The following RCBTB1 variants were observed in gnomAD, a reference collection of about 807,000 sequenced individuals.
RCBTB1 encodes the protein RCC1 and BTB domain containing protein 1, also known as RCC1 and BTB domain-containing protein 1.
RCBTB1 carries 46 observed loss-of-function variants against 62.4 expected under a neutral mutation model. The observed-to-expected ratio is 0.74, with a 90% CI of 0.58 to 0.94. The LOEUF (loss-of-function observed/expected upper bound fraction) is 0.94. RCBTB1 is among the 40% of genes least tolerant of loss of function. The probability of loss-of-function intolerance (pLI) is 0.00; values close to 1 mark genes in which losing one functional copy is unlikely to be tolerated. For missense variants in RCBTB1, 565 were observed against 654.9 expected (o/e 0.86, Z 1.50); for synonymous variants, 222 against 245.8 (o/e 0.90, Z 0.91).
At chr13:49,552,628 TA>T (rs1961477435) in intron 6 of RCBTB1, among the ~76,000 whole-genome samples, 1 of 152,078 alleles carries the variant, frequency 6.6e-6, no homozygotes, top group Admixed American at 6.5e-5. Flanking sequence ...ACAGGCGAAA[TA>T]GATACATGCA....
At chr13:49,566,346 T>G (rs948302344) in intron 4 of RCBTB1, among the ~76,000 whole-genome samples, 44 of 152,142 alleles carry the variant, frequency 2.9e-4, no homozygotes, top group Admixed American at 2.6e-3. Flanking sequence ...AAAATTAGGC[T>G]GGAAGGACCA....
chr13:49,582,183 T>G (rs1792160716), intron 1 of RCBTB1, among the ~76,000 whole-genome samples: 1 of 152,214 alleles, frequency 6.6e-6, no homozygotes, highest in African/African-American at 2.4e-5. Flanking sequence ...GAATGGGATC[T>G]GAAGCAGAAG....
intron 9 of RCBTB1, among the ~76,000 whole-genome samples, chr13:49,548,521 A>C (rs913165837): frequency 2.6e-5 from 4 of 152,156 alleles, no homozygotes; most frequent in Non-Finnish European, 4.4e-5. Context: ...TCATGACAGC[A>C]CTACCCACGA....
intron 2 of RCBTB1, among the ~76,000 whole-genome samples, chr13:49,575,846 T>TA (rs1264631678): frequency 1.8e-4 from 27 of 152,142 alleles, no homozygotes; most frequent in Non-Finnish European, 3.5e-4. Context: ...CATCACACGC[T>TA]ATACCCATGT....
At chr13:49,550,176 G>A (rs1271849723) in intron 8 of RCBTB1, among the ~76,000 whole-genome samples, 3 of 151,908 alleles carry the variant, frequency 2.0e-5, no homozygotes, top group Admixed American at 6.6e-5. Flanking sequence ...ACAGAGTCTC[G>A]CTATATTGCC....
intron 9 of RCBTB1, chr13:49,546,267 C>CTTT (rs1433481912): frequency 1.0e-6 from 1 of 985,258 alleles, no homozygotes; most frequent in African/African-American, 1.7e-5. Context: ...AGAAATCCTC[C>CTTT]TCAAAGGGGT....
chr13:49,548,452 A>C (rs1296096786), intron 9 of RCBTB1, among the ~76,000 whole-genome samples: 1 of 152,042 alleles, frequency 6.6e-6, no homozygotes, highest in African/African-American at 2.4e-5. Context: ...GTTCTGTAAG[A>C]AATCTAGTAT....
intron 10 of RCBTB1, among the ~76,000 whole-genome samples, chr13:49,543,083 C>T (rs1594257491): frequency 6.6e-6 from 1 of 151,928 alleles, no homozygotes; most frequent in African/African-American, 2.4e-5. Flanking sequence ...GCCAACATGG[C>T]GAAACTTTGT....
chr13:49,567,159 CATT>C lies in RCBTB1; in HGVS notation c.118_120del (p.Asn40del), dbSNP rs780755741. On this transcript the variant is annotated inframe_deletion, in exon 3 of 13. Coordinates refer to ENST00000378302, the MANE Select transcript of RCBTB1 (RefSeq NM_018191.4). ...AGGTTTCAAGAGACTCTTACCTCATCATTGTCAGTAACGTACAGTGCTTCACTG... is the reference window on the plus strand; with the variant it reads ...AGGTTTCAAGAGACTCTTACCTCATCGTCAGTAACGTACAGTGCTTCACTG... 6.2e-6 allele frequency: 10 copies of C among 1,614,020 alleles called. No individual in the cohort carries two copies. The highest frequency in any genetic ancestry group is 2.2e-5 in the East Asian group (1 of 44,880).
intron 1 of RCBTB1, among the ~76,000 whole-genome samples, chr13:49,582,736 T>C (rs1964176978): frequency 6.6e-6 from 1 of 152,202 alleles, no homozygotes; most frequent in African/African-American, 2.4e-5. Context: ...CTGTCTTTTG[T>C]ATTATACCCA....
chr13:49,578,396 G>C (rs1963911425), intron 2 of RCBTB1, among the ~76,000 whole-genome samples: 1 of 152,164 alleles, frequency 6.6e-6, no homozygotes, highest in Admixed American at 6.5e-5. Flanking sequence ...GGAATCCATG[G>C]ATACAGAGAG....
chr13:49,566,630 G>A lies in RCBTB1; in HGVS notation c.265C>T (p.Leu89Phe). ...GTTCCCTCCTTACCTTCGGTGCTGA[G>A]AAGAACATGTGGTCCACTCCCGTAA... ...LSYGSGPHVL[L>F]STEDGVVYAW... Residue 89 changes from leucine (L) to phenylalanine (F), a missense_variant, in exon 4 of 13, where the codon CTC becomes TTC. By Grantham distance (22) the Leu-to-Phe change is conservative. Coordinates refer to ENST00000378302, the MANE Select transcript of RCBTB1 (RefSeq NM_018191.4). 6.2e-7 allele frequency: 1 copy of A among 1,612,624 alleles called. No homozygotes were observed. The highest frequency in any genetic ancestry group is 8.5e-7 in the Non-Finnish European group (1 of 1,179,640).
At chr13:49,577,676 G>C (rs1213137761) in intron 2 of RCBTB1, among the ~76,000 whole-genome samples, 1 of 152,096 alleles carries the variant, frequency 6.6e-6, no homozygotes, top group African/African-American at 2.4e-5. Context: ...GACGCTTCTG[G>C]TGTCATTTTA....
intron 4 of RCBTB1, among the ~76,000 whole-genome samples, chr13:49,565,478 G>C (rs868137728): frequency 0.01 from 1,075 of 103,972 alleles, 11 homozygotes; most frequent in African/African-American, 0.038. Flanking sequence ...GGCCGCCCAT[G>C]GTCTGGGATG....
intron 6 of RCBTB1, among the ~76,000 whole-genome samples, chr13:49,553,849 A>T (rs1469368622): frequency 6.6e-6 from 1 of 152,246 alleles, no homozygotes; most frequent in Non-Finnish European, 1.5e-5. Context: ...TTCAAATGGC[A>T]TACTTCTTGA....
At chr13:49,581,131 CA>C (rs1307148164) in intron 1 of RCBTB1, among the ~76,000 whole-genome samples, 2 of 152,070 alleles carry the variant, frequency 1.3e-5, no homozygotes, top group African/African-American at 4.8e-5. Flanking sequence ...GGGTCTTAAG[CA>C]GGGAAGTGGC....
In RCBTB1 at chr13:49,563,111, C is replaced by A. The variant is rs562572983; in HGVS notation, c.278-3027G>T. On this transcript the variant is annotated intron_variant, in intron 4 of 12. Coordinates refer to ENST00000378302, the MANE Select transcript of RCBTB1 (RefSeq NM_018191.4). ...GAAAAAACAGTCACATACAAAATAG[C>A]AAAAGTTGCCAGGCATAGTGGCTCA... Among the ~76,000 whole-genome samples the A allele has an allele frequency of 4.0e-5, 6 of 151,612 alleles. 1 individual carries two copies. The East Asian group carries it at 1.2e-3, about 29-fold the overall frequency.
rs12584718 is a variant in RCBTB1, at chr13:49,544,645, T to C, written c.1172+92A>G. 8.7e-5 allele frequency: 91 copies of C among 1,051,988 alleles called. No homozygotes were observed. In the East Asian group the frequency reaches 2.1e-3, roughly 24 times the overall value. The allele number at this position is 1,051,988 out of a possible 1,614,324, so 65.2% of individuals were successfully genotyped here. A position where few individuals can be genotyped will look rare whatever the true frequency, so the allele number is the denominator to read the frequency against. The stretch of plus-strand genomic sequence containing the variant: ...ATTAAGTAGTGACATTTCTCTCTAC[T>C]ACCAAGGCTATTTTTTATCAGTACT... On this transcript the variant is annotated intron_variant, in intron 10 of 12. Transcript: ENST00000378302.
At chr13:49,583,207 G>A (rs1964205860) in intron 1 of RCBTB1, among the ~76,000 whole-genome samples, 1 of 152,072 alleles carries the variant, frequency 6.6e-6, no homozygotes, top group Non-Finnish European at 1.5e-5. Context: ...GCAATTGGGG[G>A]TAAAATGGTG....
Sources: allele counts gnomAD v4.1 joint callset (sites outside exome capture counted in the v4.1 genomes callset), GRCh38; gene constraint gnomAD v4.1.1; transcripts MANE v1.5; gene names NCBI Gene and HGNC (gene_info 2026-07-23, HGNC 2026-07-21).